TENM3: variants seen among roughly 807,000 people sequenced by gnomAD.
The protein encoded by TENM3 is teneurin transmembrane protein 3, also known as teneurin-3.
A neutral mutation model predicts 255.1 loss-of-function variants in TENM3; 63 were observed. The observed-to-expected ratio is 0.25, with a 90% CI of 0.20 to 0.30. The LOEUF is 0.30. TENM3 is among the 10% of genes least tolerant of loss of function. TENM3 has a pLI of 1.00. For missense variants in TENM3, 2,929 were observed against 3,461.1 expected (o/e 0.85, Z 3.86); for synonymous variants, 1,306 against 1,322.3 (o/e 0.99, Z 0.27).
At chr4:182,158,889 C>G (rs1241823844) in intron 1 of TENM3, among the ~76,000 whole-genome samples, 2 of 152,166 alleles carry the variant, frequency 1.3e-5, no homozygotes, top group Non-Finnish European at 2.9e-5. Flanking sequence ...AAATGTGATA[C>G]ATTGGAATAA....
chr4:181,697,433 G>A, the TENM3 span, among the ~76,000 whole-genome samples: 2 of 151,996 alleles, frequency 1.3e-5, no homozygotes, highest in Admixed American at 6.6e-5. Context: ...TTGCTCTGTC[G>A]CCCAGGCTGG....
At chr4:182,753,324 C>T (rs1047831160) in intron 20 of TENM3, 126 bp from the exon 21 acceptor site, 1 of 725,248 alleles carries the variant, frequency 1.4e-6, no homozygotes, top group Admixed American at 2.6e-5. Flanking sequence ...AATCTGCAGT[C>T]CTACCTGCTA....
the TENM3 span, among the ~76,000 whole-genome samples, chr4:181,939,282 G>A: frequency 6.6e-6 from 1 of 152,166 alleles, no homozygotes; most frequent in Non-Finnish European, 1.5e-5. Flanking sequence ...CTCTGTGTAA[G>A]AATGCCGGGA....
In TENM3 at chr4:182,789,158, C is replaced by G; in HGVS notation, c.5370C>G (p.Asp1790Glu). 1.2e-6 allele frequency: 2 copies of G among 1,612,482 alleles called. No individual in the cohort carries two copies. The highest frequency in any genetic ancestry group is 1.7e-6 in the Non-Finnish European group (2 of 1,179,278). Residue 1790 changes from aspartate (D) to glutamate (E), a missense_variant, in exon 25 of 28, where the codon GAC (aspartate) becomes GAG (glutamate). Physicochemically the swap from Asp to Glu is conservative, Grantham distance 45. Transcript: ENST00000511685. This position sits in a 1 kb window ranked among gnomAD's most constrained non-coding sequence, Gnocchi z 4.4. ...DRTTKTEKIY[D>E]DHRKFLLRIA... ...CAACAAAGACAGAAAAGATCTATGA[C>G]GACCACCGTAAATTTCTACTGAGGA...
the TENM3 span, among the ~76,000 whole-genome samples, chr4:181,890,252 T>A: frequency 1.3e-5 from 2 of 152,320 alleles, no homozygotes; most frequent in Non-Finnish European, 2.9e-5. Flanking sequence ...TTATCAGAAT[T>A]GTCACATTTT....
the TENM3 span, among the ~76,000 whole-genome samples, chr4:182,108,283 G>A: frequency 2.0e-5 from 3 of 152,184 alleles, no homozygotes; most frequent in Non-Finnish European, 4.4e-5. Flanking sequence ...ACCTACAGCT[G>A]TGGCAATTCA....
the TENM3 span, among the ~76,000 whole-genome samples, chr4:181,490,883 TTCAAGTATCATGCTC>T: frequency 1.3e-5 from 2 of 152,206 alleles, no homozygotes; most frequent in African/African-American, 2.4e-5. Flanking sequence ...CTTCAGATTT[TTCAAGTATCATGCTC>T]TCTGGTGATT....
At chr4:182,410,140 A>C (rs946731577) in intron 3 of TENM3, among the ~76,000 whole-genome samples, 2 of 152,066 alleles carry the variant, frequency 1.3e-5, no homozygotes. Flanking sequence ...GCTTTTTATA[A>C]TTTTCAGTGT....
At chr4:182,072,786 T>TC in the TENM3 span, among the ~76,000 whole-genome samples, 1 of 152,188 alleles carries the variant, frequency 6.6e-6, no homozygotes, top group Non-Finnish European at 1.5e-5. Context: ...CTCATTTTCC[T>TC]CCATCTCATC....
the TENM3 span, among the ~76,000 whole-genome samples, chr4:181,911,426 T>C: frequency 1.3e-5 from 2 of 152,196 alleles, no homozygotes; most frequent in African/African-American, 4.8e-5. Context: ...GCTTTTTTCT[T>C]CCTTGTTTAC....
intron 11 of TENM3, among the ~76,000 whole-genome samples, chr4:182,682,729 C>G (rs957252707): frequency 1.3e-5 from 2 of 151,446 alleles, no homozygotes; most frequent in Non-Finnish European, 3.0e-5. Flanking sequence ...AAGTGATACA[C>G]GCTGATTTTT....
chr4:182,591,678 C>T (rs1214815719), intron 3 of TENM3, among the ~76,000 whole-genome samples: 4 of 152,130 alleles, frequency 2.6e-5, no homozygotes, highest in Non-Finnish European at 5.9e-5. Flanking sequence ...GGAAAACTCA[C>T]TTTGAAACAC....
At chr4:181,673,862 G>A in the TENM3 span, among the ~76,000 whole-genome samples, 9,115 of 149,698 alleles carry the variant, frequency 0.061, 347 homozygotes, top group Middle Eastern at 0.14. Flanking sequence ...GTGTGTGTGT[G>A]TGTGTGTGTG....
chr4:182,322,319 G>A (rs190322509), intron 1 of TENM3, among the ~76,000 whole-genome samples: 29 of 152,260 alleles, frequency 1.9e-4, no homozygotes, highest in African/African-American at 6.5e-4. Flanking sequence ...TAGCCATATC[G>A]GTATTTGGAA....
At chr4:182,281,822 A>T (rs1489053536) in intron 1 of TENM3, among the ~76,000 whole-genome samples, 1 of 151,956 alleles carries the variant, frequency 6.6e-6, no homozygotes, top group Non-Finnish European at 1.5e-5. Flanking sequence ...TGCTACCTCC[A>T]CCTCCTGGGT....
In TENM3 at chr4:182,232,675, A is replaced by G. The variant is rs548009587; in HGVS notation, c.-76+87921A>G. Among the ~76,000 whole-genome samples, 7 of 152,176 alleles carry G rather than the reference A, an allele frequency of 4.6e-5. 1 individual carries two copies. In the South Asian group the frequency reaches 1.5e-3, roughly 32 times the overall value. On this transcript the variant is annotated intron_variant, in intron 1 of 2. Transcript: ENST00000512480. ...CGCGCCACTGCACTCCAGCCTGGCA[A>G]CAGAGTGAGAGTCCATCCAAAAAAA...
rs116222340 is a variant in TENM3 at position 182,339,851 on chromosome 4, A to G, written c.233-6800A>G. Among the ~76,000 whole-genome samples the G allele has an allele frequency of 7.3e-3, 1,110 of 152,304 alleles. 19 individuals carry two copies. Among genetic ancestry groups the G allele is most frequent in the South Asian group, 0.043 (209 of 4,824 alleles). On this transcript the variant is annotated intron_variant, in intron 2 of 27. Transcript: ENST00000511685. Reference sequence around the variant, plus strand: ...TCATTGCCGGGCCTTGGATTGTTCTAAAGAAGTCATTTCTAAGTAAACATA... The same window carrying G: ...TCATTGCCGGGCCTTGGATTGTTCTGAAGAAGTCATTTCTAAGTAAACATA...
At chr4:182,462,432 T>G (rs1011031917) in intron 3 of TENM3, among the ~76,000 whole-genome samples, 1 of 151,528 alleles carries the variant, frequency 6.6e-6, no homozygotes, top group Non-Finnish European at 1.5e-5. Context: ...TTTCAGATGG[T>G]AAATCCCAGG....
the TENM3 span, among the ~76,000 whole-genome samples, chr4:182,071,654 A>C: frequency 6.6e-6 from 1 of 152,076 alleles, no homozygotes; most frequent in Non-Finnish European, 1.5e-5. Context: ...AATCTGATGC[A>C]TTTATATAAT....
Sources: gnomAD v4.1 joint callset for allele counts (sites outside exome capture counted in the v4.1 genomes callset) on GRCh38, gnomAD v4.1.1 for gene constraint, Gnocchi (gnomAD v3.1) non-coding constraint, MANE v1.5 for transcripts, NCBI Gene and HGNC (gene_info 2026-07-23, HGNC 2026-07-21) for gene names.